Variants in CHIT1 observed in about 807,000 individuals in gnomAD.
The protein encoded by CHIT1 is chitotriosidase-1.
In CHIT1, 47 loss-of-function variants were observed where a neutral mutation model predicts 52.0. The observed-to-expected ratio is 0.90, with a 90% confidence interval of 0.71 to 1.15. The LOEUF is 1.15. Ranked by LOEUF, CHIT1 falls within the 50% of genes most tolerant of loss-of-function variation. CHIT1 has a pLI of 0.00. For missense variants in CHIT1, 569 were observed against 583.0 expected, an observed-to-expected ratio of 0.98 and a Z score of 0.25; for synonymous variants, 242 against 228.2, an observed-to-expected ratio of 1.06 and a Z score of -0.54.
Position 203,219,813 on chromosome 1 carries a change from G to A in CHIT1, c.766C>T (p.Pro256Ser). 6.2e-7 allele frequency: 1 copy of A among 1,612,488 alleles called. No homozygotes were observed. Among genetic ancestry groups the A allele is most frequent in the Non-Finnish European group, 8.5e-7 (1 of 1,179,866 alleles). ...AVQQWLQKGT[P>S]ASKLILGMPT... is the part of the protein sequence containing the mutation. ...ATGCCAAGGATCAGCTTGCTGGCAG[G>A]GGTCCCCTTCTGCAGCCACTGTTGC... is the stretch of plus-strand genomic sequence containing the variant. The change falls in exon 8 of 11, where the codon CCT (proline) becomes TCT (serine). Residue 256 changes from proline (P) to serine (S), a missense_variant. By Grantham distance (74) the Pro-to-Ser change is moderately conservative. Coordinates refer to ENST00000367229, the MANE Select transcript of CHIT1 (RefSeq NM_003465.3).
At chr1:203,224,333 C>T (rs141336321) in intron 4 of CHIT1, among the ~76,000 whole-genome samples, 1 of 152,116 alleles carries the variant, frequency 6.6e-6, no homozygotes, top group South Asian at 2.1e-4. Context: ...ACAGATTGAT[C>T]CTATTTTATT....
intron 7 of CHIT1, 81 bp downstream of exon 7, chr1:203,222,121 G>A: frequency 6.3e-7 from 1 of 1,588,718 alleles, no homozygotes; most frequent in South Asian, 1.1e-5. Flanking sequence ...TTTCCCATGA[G>A]GGCCTCGGGG....
rs1656520237 is a variant in CHIT1, at chr1:203,216,254, G to A, written c.*635C>T. The A allele has an allele frequency of 2.2e-6, 1 of 453,984 alleles. No homozygotes were observed. Among genetic ancestry groups the A allele is most frequent in the African/African-American group, 2.0e-5 (1 of 50,004 alleles). The allele number at this position is 453,984 out of a possible 1,614,324, so 28.1% of individuals were successfully genotyped here. Reference sequence around the variant, plus strand: ...GTGAACGGGGGCAGTAGGTGAGATAGGGCCTGCAAAGGGCCCAAACAGGAT... The same window carrying A: ...GTGAACGGGGGCAGTAGGTGAGATAAGGCCTGCAAAGGGCCCAAACAGGAT... On this transcript the variant is annotated 3_prime_UTR_variant, in exon 11 of 11. Coordinates refer to ENST00000367229, the MANE Select transcript of CHIT1 (RefSeq NM_003465.3).
In CHIT1 at chr1:203,217,852, T is replaced by C; in HGVS notation, c.1043A>G (p.Lys348Arg). The part of the protein sequence containing the change: ...ESFKTKVSYL[K>R]QKGLGGAMVW... ...CATGGCCCCGCCCAGTCCCTTCTGC[T>C]TCAGATAGCTGACCTGTGCAGGGAG... The change falls in exon 10 of 11, where the codon AAG becomes AGG. Residue 348 changes from lysine (K) to arginine (R), a missense_variant. By Grantham distance (26) the Lys-to-Arg change is conservative. Transcript: ENST00000367229. 8.9e-7 allele frequency: 1 copy of C among 1,120,120 alleles called. No homozygotes were observed. Among genetic ancestry groups the C allele is most frequent in the Non-Finnish European group, 1.2e-6 (1 of 844,732 alleles). The allele number at this position is 1,120,120 out of a possible 1,614,324, so 69.4% of individuals were successfully genotyped here. A position where few individuals can be genotyped will look rare whatever the true frequency, so the allele number is the denominator to read the frequency against.
chr1:203,218,213 TGGTCAA>T (rs142759151), intron 9 of CHIT1: 70 of 704,714 alleles, frequency 9.9e-5, no homozygotes, highest in Non-Finnish European at 1.4e-4. Context: ...TATTGTATGC[TGGTCAA>T]GGTCAAGGTC....
chr1:203,223,339 T>C, intron 5 of CHIT1, 80 bp from the exon 6 acceptor site: 2 of 1,611,308 alleles, frequency 1.2e-6, no homozygotes, highest in South Asian at 2.2e-5. Flanking sequence ...AGATGTTCAC[T>C]TGTAGAAGTC....
intron 2 of CHIT1, among the ~76,000 whole-genome samples, chr1:203,228,292 G>C (rs546184166): frequency 6.6e-6 from 1 of 152,346 alleles, no homozygotes; most frequent in Admixed American, 6.5e-5. Context: ...GGAAAGCCCT[G>C]AAAGAGGCTG....
intron 4 of CHIT1, 123 bp from the exon 5 acceptor site, chr1:203,223,783 T>G: frequency 3.0e-6 from 3 of 993,440 alleles, no homozygotes. Context: ...GGAGGGGCAC[T>G]GGGAGGGCTG....
At chr1:203,218,613 T>G (rs1446395649) in intron 9 of CHIT1, among the ~76,000 whole-genome samples, 1 of 152,162 alleles carries the variant, frequency 6.6e-6, no homozygotes, top group African/African-American at 2.4e-5. Context: ...CCACCTTCTA[T>G]GCTTTAGGAC....
At chr1:203,225,930 A>G (rs1166369914) in intron 2 of CHIT1, 60 bp from the exon 3 acceptor site, 1 of 1,569,320 alleles carries the variant, frequency 6.4e-7, no homozygotes, top group African/African-American at 1.4e-5. Context: ...GGGACTGGTC[A>G]CCCTCCATCT....
intron 2 of CHIT1, 105 bp from the exon 3 acceptor site, chr1:203,225,975 C>A (rs1160687855): frequency 1.6e-6 from 2 of 1,212,480 alleles, no homozygotes; most frequent in Non-Finnish European, 2.4e-6. Flanking sequence ...CCCTCTTCTA[C>A]ACCTGGAGTC....
rs1055259886 is a variant in CHIT1, at chr1:203,226,661, C to A, written c.56-791G>T. ...AGGCATCTTGTCTCTAAGTACCCCACACACTGTAGGGTACTTGTCTCTAGA... is the reference window on the plus strand; with the variant it reads ...AGGCATCTTGTCTCTAAGTACCCCAAACACTGTAGGGTACTTGTCTCTAGA... On this transcript the variant is annotated intron_variant, in intron 2 of 10. Transcript: ENST00000367229. Among the ~76,000 whole-genome samples the A allele has an allele frequency of 2.6e-5, 4 of 152,062 alleles. No individual in the cohort carries two copies. In the South Asian group the frequency reaches 8.3e-4, roughly 32 times the overall value.
upstream of CHIT1, chr1:203,229,715 C>T (rs982702969): frequency 6.4e-7 from 1 of 1,563,046 alleles, no homozygotes. Context: ...GCCACCCTGT[C>T]CCACCCCAGC....
At chr1:203,217,621 G>A in intron 10 of CHIT1, 118 bp downstream of exon 10, 3 of 1,508,988 alleles carry the variant, frequency 2.0e-6, no homozygotes, top group Non-Finnish European at 2.7e-6. Context: ...GGAAATTACA[G>A]TATTGGGGCA....
chr1:203,218,693 T>C (rs1347469048), intron 9 of CHIT1, among the ~76,000 whole-genome samples: 1 of 152,040 alleles, frequency 6.6e-6, no homozygotes, highest in Admixed American at 6.6e-5. Flanking sequence ...CCCCCTGCAA[T>C]TGTCCACCTC....
intron 9 of CHIT1, 51 bp from the exon 10 acceptor site, chr1:203,217,916 C>T (rs1656596408): frequency 6.3e-7 from 1 of 1,576,966 alleles, no homozygotes; most frequent in Non-Finnish European, 8.6e-7. Flanking sequence ...CTGACCCGGC[C>T]ACCCCAGAGC....
Position 203,217,151 on chromosome 1 carries a change from A to G in CHIT1, c.1157-18T>C, listed in dbSNP as rs761812339. The G allele has an allele frequency of 6.2e-5, 99 of 1,601,096 alleles. No homozygotes were observed. Among genetic ancestry groups the G allele is most frequent in the Non-Finnish European group, 4.7e-5 (55 of 1,179,938 alleles). On this transcript the variant is annotated intron_variant, in intron 10 of 10. Transcript: ENST00000367229. ...TGGAAGACCTGGGAAGACAGTGAAG[A>G]TTCAACCAAGGCTCCCCCGAAGAGA... is the stretch of plus-strand genomic sequence containing the variant.
chr1:203,229,272 G>T (rs947090930), intron 1 of CHIT1, among the ~76,000 whole-genome samples: 1 of 152,176 alleles, frequency 6.6e-6, no homozygotes, highest in African/African-American at 2.4e-5. Context: ...CCAACAGGAG[G>T]GACCTAAGAA....
intron 6 of CHIT1, 47 bp downstream of exon 6, chr1:203,223,088 C>G: frequency 6.2e-7 from 1 of 1,612,602 alleles, no homozygotes; most frequent in Non-Finnish European, 8.5e-7. Flanking sequence ...CCCTTGGCCT[C>G]TCTTCCCTCA....
Sources: allele counts gnomAD v4.1 joint callset (sites outside exome capture counted in the v4.1 genomes callset), GRCh38; gene constraint gnomAD v4.1.1; transcripts MANE v1.5; gene names NCBI Gene and HGNC (gene_info 2026-07-23, HGNC 2026-07-21).